Variants in AMTN observed in about 807,000 individuals in gnomAD.
The protein encoded by AMTN is amelotin.
Under a neutral mutation model 27.4 loss-of-function variants are expected in AMTN, and 29 were observed. The ratio of observed to expected loss-of-function variants is 1.06; its 90% CI spans 0.79 to 1.44. The LOEUF is 1.44. AMTN is among the 40% of genes most tolerant of loss of function. The pLI is 0.00. For missense variants in AMTN, 247 were observed against 248.8 expected (o/e 0.99, Z 0.05); for synonymous variants, 86 against 95.7 (o/e 0.90, Z 0.59).
chr4:70,530,263 T>C (rs1233823915), intron 7 of AMTN, among the ~76,000 whole-genome samples: 8 of 151,820 alleles, frequency 5.3e-5, no homozygotes, highest in Admixed American at 1.3e-4. Flanking sequence ...GAAACAGCAT[T>C]CACCTTTACT....
chr4:70,523,406 A>C (rs1207490330), intron 3 of AMTN, among the ~76,000 whole-genome samples: 3 of 152,188 alleles, frequency 2.0e-5, no homozygotes, highest in Non-Finnish European at 4.4e-5. Context: ...GTGAAGGGCC[A>C]TGGCTTACCT....
At chr4:70,523,583 T>C (rs1736026215) in intron 3 of AMTN, among the ~76,000 whole-genome samples, 1 of 152,228 alleles carries the variant, frequency 6.6e-6, no homozygotes, top group Admixed American at 6.5e-5. Flanking sequence ...ATTCGATATG[T>C]AAAATTAAGT....
At chr4:70,526,143 AT>A in intron 5 of AMTN, among the ~76,000 whole-genome samples, 1 of 152,264 alleles carries the variant, frequency 6.6e-6, no homozygotes, top group South Asian at 2.1e-4. Flanking sequence ...ATAAAATAAA[AT>A]TCACTTGGAA....
chr4:70,523,142 C>A (rs1736017742), intron 3 of AMTN, among the ~76,000 whole-genome samples: 1 of 152,196 alleles, frequency 6.6e-6, no homozygotes, highest in Non-Finnish European at 1.5e-5. Flanking sequence ...CGTCTGTTTA[C>A]AAAGCTTGGT....
Position 70,518,602 on chromosome 4 carries a change from T to G in AMTN, c.-68T>G. 3 of 572,306 alleles carry G rather than the reference T, an allele frequency of 5.2e-6. No individual in the cohort carries two copies. Among genetic ancestry groups the G allele is most frequent in the East Asian group, 3.0e-5 (1 of 33,430 alleles). 35.5% of individuals were successfully genotyped at this position (572,306 alleles called of 1,614,324 possible). A position where few individuals can be genotyped will look rare whatever the true frequency, so the allele number is the denominator to read the frequency against. ...GTAAAATTTTTCACCAGAGTAAACT[T>G]GAGAAACCAACTGGACCTTGAGTAT... On this transcript the variant is annotated 5_prime_UTR_variant, in exon 1 of 9. Coordinates refer to ENST00000339336, the MANE Select transcript of AMTN (RefSeq NM_212557.4).
chr4:70,522,553 A>G (rs1190853689), intron 2 of AMTN, among the ~76,000 whole-genome samples: 2 of 152,060 alleles, frequency 1.3e-5, no homozygotes, highest in Admixed American at 1.3e-4. Context: ...TTCCCTCCAC[A>G]CCATCCCACC....
chr4:70,522,687 G>T (rs1275077938), intron 2 of AMTN, 68 bp from the exon 3 acceptor site: 6 of 1,476,736 alleles, frequency 4.1e-6, no homozygotes, highest in African/African-American at 1.4e-5. Context: ...TGGCAACCTG[G>T]ATATAAATGG....
chr4:70,525,232 A>G (rs1170462907), intron 5 of AMTN, among the ~76,000 whole-genome samples: 1 of 152,216 alleles, frequency 6.6e-6, no homozygotes, highest in African/African-American at 2.4e-5. Flanking sequence ...AAGATTGAAA[A>G]GTGAAAAATA....
At chr4:70,528,364 T>G (rs1366764909) in intron 5 of AMTN, among the ~76,000 whole-genome samples, 1 of 152,154 alleles carries the variant, frequency 6.6e-6, no homozygotes, top group Non-Finnish European at 1.5e-5. Context: ...TAAGAAGATA[T>G]CAATGGCCGG....
At chr4:70,530,071 A>C (rs932665097) in intron 7 of AMTN, among the ~76,000 whole-genome samples, 6 of 152,224 alleles carry the variant, frequency 3.9e-5, no homozygotes, top group African/African-American at 1.4e-4. Context: ...AACTGAGGTT[A>C]AAAGTTTAAG....
At position 70,521,344 on chromosome 4, in the gene AMTN, C is replaced by T. The variant is rs115657766; in HGVS notation, c.55-1411C>T. On this transcript the variant is annotated intron_variant, in intron 2 of 8. Transcript: ENST00000339336. ...GCAGTGAGCCAAGATCACTCCATTG[C>T]ACTCCAATCTGGACAGCAGAACAAG... 7.2e-3 allele frequency among the ~76,000 whole-genome samples: 1,037 copies of T among 144,792 alleles called. 12 individuals carry two copies. The highest frequency in any genetic ancestry group is 0.025 in the African/African-American group (974 of 39,064). The allele number at this position is 144,792 out of a possible 152,430, so 95.0% of individuals were successfully genotyped here.
intron 5 of AMTN, among the ~76,000 whole-genome samples, chr4:70,527,199 A>C (rs1392321575): frequency 6.6e-6 from 1 of 152,224 alleles, no homozygotes; most frequent in African/African-American, 2.4e-5. Flanking sequence ...TATGGAAAAC[A>C]CTTAAAACAA....
chr4:70,530,988 A>G, intron 7 of AMTN, 51 bp from the exon 8 acceptor site: 1 of 1,601,070 alleles, frequency 6.2e-7, no homozygotes, highest in Non-Finnish European at 8.5e-7. Context: ...AAAAGAGAAA[A>G]GAAAATGTGT....
intron 8 of AMTN, among the ~76,000 whole-genome samples, 192 bp downstream of exon 8, chr4:70,531,492 A>C (rs1210912495): frequency 6.6e-6 from 1 of 152,104 alleles, no homozygotes; most frequent in African/African-American, 2.4e-5. Flanking sequence ...AGGTATTAAC[A>C]CTGAAGGAAG....
At chr4:70,526,436 A>C (rs3852098) in intron 5 of AMTN, among the ~76,000 whole-genome samples, 14,048 of 152,186 alleles carry the variant, frequency 0.092, 854 homozygotes, top group African/African-American at 0.16. Flanking sequence ...TGCTACAGTG[A>C]GCATCCTTGT....
chr4:70,526,049 C>T (rs1018045381), intron 5 of AMTN, among the ~76,000 whole-genome samples: 4 of 152,044 alleles, frequency 2.6e-5, no homozygotes, highest in Non-Finnish European at 5.9e-5. Context: ...TTTGTAGAAG[C>T]ATTTATTATT....
At chr4:70,525,908 A>G (rs1736091837) in intron 5 of AMTN, among the ~76,000 whole-genome samples, 1 of 152,042 alleles carries the variant, frequency 6.6e-6, no homozygotes, top group Non-Finnish European at 1.5e-5. Context: ...TCAAAAAAAA[A>G]GAGAAGGAAA....
chr4:70,525,899 C>CA (rs923451279), intron 5 of AMTN, among the ~76,000 whole-genome samples: 5 of 148,952 alleles, frequency 3.4e-5, no homozygotes, highest in Non-Finnish European at 4.5e-5. Flanking sequence ...GATTCTGTCT[C>CA]AAAAAAAAAG....
intron 2 of AMTN, among the ~76,000 whole-genome samples, chr4:70,521,662 T>C (rs1486161704): frequency 2.4e-5 from 2 of 82,710 alleles, no homozygotes; most frequent in African/African-American, 7.5e-5. Flanking sequence ...TTTTTTTTTT[T>C]TTTTTTTTTT....
Sources: allele counts gnomAD v4.1 joint callset (sites outside exome capture counted in the v4.1 genomes callset), GRCh38; gene constraint gnomAD v4.1.1; transcripts MANE v1.5; gene names NCBI Gene and HGNC (gene_info 2026-07-23, HGNC 2026-07-21).